TMPRSS15: variants seen among roughly 807,000 people sequenced by gnomAD.
TMPRSS15 encodes transmembrane serine protease 15.
A neutral mutation model predicts 125.3 loss-of-function variants in TMPRSS15; 128 were observed. That is an observed-to-expected ratio of 1.02 (90% confidence interval 0.89 to 1.18). The LOEUF (loss-of-function observed/expected upper bound fraction) is 1.18. Ranked by LOEUF, TMPRSS15 falls within the 50% of genes most tolerant of loss-of-function variation. The probability of loss-of-function intolerance (pLI) is 0.00; values close to 1 mark genes in which losing one functional copy is unlikely to be tolerated. For missense variants in TMPRSS15, 1,283 were observed against 1,212.7 expected, an observed-to-expected ratio of 1.06 and a Z score of -0.86; for synonymous variants, 446 against 423.2, an observed-to-expected ratio of 1.05 and a Z score of -0.66.
intron 1 of TMPRSS15, among the ~76,000 whole-genome samples, chr21:18,451,875 A>G (rs1224233563): frequency 2.4e-5 from 3 of 124,062 alleles, no homozygotes; most frequent in African/African-American, 1.0e-4. Flanking sequence ...CAGTCATGGC[A>G]TGCATAAGAC....
intron 21 of TMPRSS15, among the ~76,000 whole-genome samples, chr21:18,292,149 T>C (rs2074844996): frequency 6.6e-6 from 1 of 152,252 alleles, no homozygotes; most frequent in African/African-American, 2.4e-5. Context: ...CACTGCAATG[T>C]CAAGGATTGT....
chr21:18,305,252 G>C (rs956207609), intron 18 of TMPRSS15, among the ~76,000 whole-genome samples: 50 of 144,688 alleles, frequency 3.5e-4, no homozygotes, highest in African/African-American at 1.2e-3. Context: ...GCAGTGGCGC[G>C]ATCTCGGCTC....
rs376830178 is a variant in TMPRSS15 at position 18,400,739 on chromosome 21, T to G, written c.146-2410A>C. ...CAAAAATTGGCAAGTGGGGCCTAAT[T>G]AAACTAAAGATCTTCTGCACTGCAA... On this transcript the variant is annotated intron_variant, in intron 1 of 24. Coordinates refer to ENST00000284885, the MANE Select transcript of TMPRSS15 (RefSeq NM_002772.3). 3.9e-5 allele frequency among the ~76,000 whole-genome samples: 6 copies of G among 152,068 alleles called. No homozygotes were observed. In the East Asian group the frequency reaches 5.8e-4, roughly 15 times the overall value.
Position 18,397,976 on chromosome 21 carries a change from T to C in TMPRSS15, c.277-30A>G, listed in dbSNP as rs111894777. 46 of 1,357,148 alleles carry C rather than the reference T, an allele frequency of 3.4e-5. No individual in the cohort carries two copies. The African/African-American group carries it at 5.7e-4, about 17-fold the overall frequency. The allele number at this position is 1,357,148 out of a possible 1,614,324, so 84.1% of individuals were successfully genotyped here. On this transcript the variant is annotated intron_variant, in intron 2 of 24. Coordinates refer to ENST00000284885, the MANE Select transcript of TMPRSS15 (RefSeq NM_002772.3). ...AAAAATATAAAAGATTGAATGAGTA[T>C]ACTAAATTTAGGATTTTAACTTTTG... is the stretch of plus-strand genomic sequence containing the variant.
chr21:18,478,442 G>C (rs1978920306), intron 1 of TMPRSS15, among the ~76,000 whole-genome samples: 2 of 151,912 alleles, frequency 1.3e-5, no homozygotes, highest in Admixed American at 1.3e-4. Flanking sequence ...AGAAAGTTCT[G>C]TTGTACCCCT....
chr21:18,343,133 C>A (rs1026245381), intron 12 of TMPRSS15, among the ~76,000 whole-genome samples: 1 of 152,050 alleles, frequency 6.6e-6, no homozygotes, highest in African/African-American at 2.4e-5. Flanking sequence ...TAGAAAAGGG[C>A]AGGGTTGACC....
At chr21:18,412,550 A>T (rs2300513) in intron 1 of TMPRSS15, among the ~76,000 whole-genome samples, 9,347 of 152,276 alleles carry the variant, frequency 0.061, 479 homozygotes, top group African/African-American at 0.13. Context: ...CCACTATCCA[A>T]ATAAATTCAT....
At chr21:18,407,448 C>CTTTTTTTTTTTTTT (rs201740388), upstream of TMPRSS15, among the ~76,000 whole-genome samples, 14 of 133,190 alleles carry the variant, frequency 1.1e-4, no homozygotes, top group Non-Finnish European at 1.6e-4. Flanking sequence ...TTTTTCTTTT[C>CTTTTTTTTTTTTTT]TTTTTTTTTT....
At chr21:18,343,465 C>CA (rs2075470335) in intron 12 of TMPRSS15, 41 bp downstream of exon 12, 4 of 1,519,908 alleles carry the variant, frequency 2.6e-6, no homozygotes, top group Middle Eastern at 2.1e-4. Context: ...TGTTCCACCA[C>CA]AAAAAGGATA....
chr21:18,393,856 G>A (rs912609979), intron 3 of TMPRSS15, among the ~76,000 whole-genome samples: 4 of 152,104 alleles, frequency 2.6e-5, no homozygotes, highest in Non-Finnish European at 5.9e-5. Flanking sequence ...GAGAAAACCA[G>A]TTCTAAATAT....
chr21:18,433,727 A>T (rs1397061467), intron 1 of TMPRSS15, among the ~76,000 whole-genome samples: 1 of 151,016 alleles, frequency 6.6e-6, no homozygotes, highest in Non-Finnish European at 1.5e-5. Context: ...TACTCATTTC[A>T]GATTTTGGTA....
intron 15 of TMPRSS15, among the ~76,000 whole-genome samples, chr21:18,327,094 A>G (rs1465220747): frequency 2.0e-5 from 3 of 152,170 alleles, no homozygotes; most frequent in Non-Finnish European, 2.9e-5. Context: ...AAACAATAAA[A>G]CATTCTTTAC....
At chr21:18,319,464 T>C (rs1475531214) in intron 16 of TMPRSS15, among the ~76,000 whole-genome samples, 1 of 150,116 alleles carries the variant, frequency 6.7e-6, no homozygotes, top group Non-Finnish European at 1.5e-5. Context: ...GTTTTGCTCT[T>C]GTTGCCCAGG....
intron 1 of TMPRSS15, among the ~76,000 whole-genome samples, chr21:18,471,915 G>A (rs575206511): frequency 6.6e-6 from 1 of 152,260 alleles, no homozygotes; most frequent in Admixed American, 6.6e-5. Context: ...ACTGTGGTTG[G>A]CCTGATGAGG....
At position 18,318,530 on chromosome 21, in the gene TMPRSS15, T is replaced by A. The variant is rs2075198027; in HGVS notation, c.1922-3274A>T. Among the ~76,000 whole-genome samples, 4 of 152,314 alleles carry A rather than the reference T, an allele frequency of 2.6e-5. No individual in the cohort carries two copies. In the South Asian group the frequency reaches 8.3e-4, roughly 32 times the overall value. On this transcript the variant is annotated intron_variant, in intron 16 of 24. Coordinates refer to ENST00000284885, the MANE Select transcript of TMPRSS15 (RefSeq NM_002772.3). ...ACAATATTTCCACCCTCCTCTGCCTTAAGTTATTAAGCCAAGGTCTGTGCC... is the reference window on the plus strand; with the variant it reads ...ACAATATTTCCACCCTCCTCTGCCTAAAGTTATTAAGCCAAGGTCTGTGCC...
At chr21:18,281,482 T>C (rs181639459) in intron 21 of TMPRSS15, among the ~76,000 whole-genome samples, 1 of 152,320 alleles carries the variant, frequency 6.6e-6, no homozygotes, top group African/African-American at 2.4e-5. Context: ...GGTTCTCAAC[T>C]GTGGTTGTAC....
At chr21:18,365,311 A>G in intron 6 of TMPRSS15, 63 bp from the exon 7 acceptor site, 1 of 1,264,134 alleles carries the variant, frequency 7.9e-7, no homozygotes, top group Admixed American at 1.7e-5. Context: ...TGGCTGCAAA[A>G]CATTTCACAG....
intron 1 of TMPRSS15, among the ~76,000 whole-genome samples, chr21:18,475,585 C>G (rs1488944703): frequency 2.0e-5 from 3 of 152,148 alleles, no homozygotes; most frequent in Non-Finnish European, 4.4e-5. Flanking sequence ...GAGCAAGACT[C>G]TGTCTCAAAA....
chr21:18,295,751 T>C (rs969452483), intron 19 of TMPRSS15, among the ~76,000 whole-genome samples: 2 of 152,318 alleles, frequency 1.3e-5, no homozygotes. Flanking sequence ...TCTAGATATA[T>C]TGACATGTAT....
Sources: allele counts gnomAD v4.1 joint callset (sites outside exome capture counted in the v4.1 genomes callset), GRCh38; gene constraint gnomAD v4.1.1; transcripts MANE v1.5; gene names NCBI Gene and HGNC (gene_info 2026-07-23, HGNC 2026-07-21).